The following MAPKAP1 variants were observed in gnomAD, a reference collection of about 807,000 sequenced individuals.
The protein encoded by MAPKAP1 is target of rapamycin complex 2 subunit MAPKAP1.
In MAPKAP1, 20 loss-of-function variants were observed where a neutral mutation model predicts 65.7. The ratio of observed to expected loss-of-function variants is 0.30; its 90% CI spans 0.21 to 0.44. The LOEUF is 0.44. MAPKAP1 is among the 20% of genes least tolerant of loss of function. The pLI, the probability that MAPKAP1 is intolerant of heterozygous loss-of-function variation, is 1.00. For synonymous variants in MAPKAP1, 222 were observed against 244.3 expected, an observed-to-expected ratio of 0.91 and a Z score of 0.85; for missense variants, 423 against 648.0, an observed-to-expected ratio of 0.65 and a Z score of 3.77.
At chr9:125,517,528 T>G (rs1478575507) in intron 7 of MAPKAP1, among the ~76,000 whole-genome samples, 1 of 152,178 alleles carries the variant, frequency 6.6e-6, no homozygotes, top group Non-Finnish European at 1.5e-5. Context: ...ATAGAAAACA[T>G]TTACTGGAAA....
At chr9:125,679,801 C>T (rs1339915146) in intron 1 of MAPKAP1, among the ~76,000 whole-genome samples, 1 of 152,200 alleles carries the variant, frequency 6.6e-6, no homozygotes, top group Non-Finnish European at 1.5e-5. Flanking sequence ...AATTCCCCTT[C>T]CTGGACTTTC....
intron 4 of MAPKAP1, among the ~76,000 whole-genome samples, chr9:125,593,099 C>G (rs752920422): frequency 6.6e-6 from 1 of 151,840 alleles, no homozygotes; most frequent in Non-Finnish European, 1.5e-5. Context: ...GAGTCCAGAC[C>G]AGCCTGGCCA....
chr9:125,610,966 T>G (rs1195914538), intron 4 of MAPKAP1, among the ~76,000 whole-genome samples: 1 of 152,198 alleles, frequency 6.6e-6, no homozygotes, highest in Non-Finnish European at 1.5e-5. Flanking sequence ...GTTAACAGTA[T>G]GATCAGAAGC....
intron 4 of MAPKAP1, among the ~76,000 whole-genome samples, chr9:125,593,085 T>G (rs1432872285): frequency 6.6e-6 from 1 of 151,348 alleles, no homozygotes; most frequent in Admixed American, 6.6e-5. Flanking sequence ...TCACCTGAGG[T>G]CAGGAGTCCA....
chr9:125,528,847 CAAAAAAA>C (rs61378848), intron 7 of MAPKAP1, among the ~76,000 whole-genome samples: 3 of 44,122 alleles, frequency 6.8e-5, no homozygotes, highest in Admixed American at 3.1e-4. Flanking sequence ...GACTCCGTCT[CAAAAAAA>C]AAAAAAAAAA....
intron 9 of MAPKAP1, among the ~76,000 whole-genome samples, chr9:125,475,494 A>G (rs1564523996): frequency 1.3e-5 from 2 of 152,170 alleles, no homozygotes; most frequent in African/African-American, 2.4e-5. Flanking sequence ...GCCAATTCCA[A>G]TATGTGGTCA....
chr9:125,474,227 T>A (rs1180704933), intron 9 of MAPKAP1, among the ~76,000 whole-genome samples: 1 of 152,092 alleles, frequency 6.6e-6, no homozygotes, highest in Non-Finnish European at 1.5e-5. Context: ...AGCACCAGGA[T>A]CCAGTTTGGG....
At chr9:125,698,756 C>A (rs1054756930) in intron 1 of MAPKAP1, among the ~76,000 whole-genome samples, 2 of 152,122 alleles carry the variant, frequency 1.3e-5, no homozygotes, top group African/African-American at 2.4e-5. Flanking sequence ...AGAGCAGTTA[C>A]AGGCACAAAA....
chr9:125,635,916 CTAAAT>C (rs1449841414), intron 4 of MAPKAP1, among the ~76,000 whole-genome samples: 1 of 152,164 alleles, frequency 6.6e-6, no homozygotes, highest in African/African-American at 2.4e-5. Context: ...TAAGTTTTCA[CTAAAT>C]TAAACTAAAT....
intron 2 of MAPKAP1, 87 bp from the exon 3 acceptor site, chr9:125,669,994 G>A: frequency 1.3e-6 from 1 of 770,830 alleles, no homozygotes; most frequent in Middle Eastern, 3.0e-4. Context: ...CATGAATAAA[G>A]ATGTTTTATA....
intron 6 of MAPKAP1, among the ~76,000 whole-genome samples, chr9:125,544,767 T>C (rs995379862): frequency 6.6e-6 from 1 of 152,182 alleles, no homozygotes; most frequent in Non-Finnish European, 1.5e-5. Context: ...AACTTCATAT[T>C]GACGAGAAAT....
chr9:125,583,934 G>A (rs892158593), intron 5 of MAPKAP1, among the ~76,000 whole-genome samples: 2 of 152,144 alleles, frequency 1.3e-5, no homozygotes, highest in African/African-American at 4.8e-5. Flanking sequence ...GTGGTGGTAG[G>A]TGCCTGTAGT....
intron 1 of MAPKAP1, among the ~76,000 whole-genome samples, chr9:125,693,504 T>TAC (rs1430193894): frequency 1.4e-5 from 2 of 144,280 alleles, no homozygotes; most frequent in Non-Finnish European, 1.5e-5. Context: ...CACACATATA[T>TAC]ACACATACAC....
chr9:125,548,285 G>T (rs941986410), intron 6 of MAPKAP1, among the ~76,000 whole-genome samples: 1 of 152,220 alleles, frequency 6.6e-6, no homozygotes, highest in Non-Finnish European at 1.5e-5. Flanking sequence ...TTATAGTTCT[G>T]TGTGACAGTC....
At chr9:125,450,299 C>A (rs1186991742) in intron 10 of MAPKAP1, among the ~76,000 whole-genome samples, 4 of 152,164 alleles carry the variant, frequency 2.6e-5, no homozygotes, top group African/African-American at 9.7e-5. Context: ...ATTAAAAATA[C>A]TAGAAATTTA....
At chr9:125,669,174 C>T (rs57580845) in intron 3 of MAPKAP1, among the ~76,000 whole-genome samples, 16 of 135,484 alleles carry the variant, frequency 1.2e-4, no homozygotes, top group African/African-American at 4.5e-4. Context: ...AGCAAGACTC[C>T]GTCTCAAAAA....
intron 8 of MAPKAP1, chr9:125,506,003 G>T: frequency 2.6e-6 from 1 of 388,084 alleles, no homozygotes; most frequent in Non-Finnish European, 4.8e-6. Flanking sequence ...ATACAAAATA[G>T]CCTTTACTTC....
chr9:125,558,814 T>G (rs1213989500), intron 6 of MAPKAP1, among the ~76,000 whole-genome samples: 1 of 152,252 alleles, frequency 6.6e-6, no homozygotes, highest in Non-Finnish European at 1.5e-5. Flanking sequence ...TACATTTTAA[T>G]TTTCACTAAC....
chr9:125,561,704 C>T (rs957728322), intron 5 of MAPKAP1, among the ~76,000 whole-genome samples: 1 of 152,074 alleles, frequency 6.6e-6, no homozygotes, highest in Non-Finnish European at 1.5e-5. Context: ...AGCTTCACCT[C>T]GAGTTTCAGT....
Sources: gnomAD v4.1 joint callset for allele counts (sites outside exome capture counted in the v4.1 genomes callset) on GRCh38, gnomAD v4.1.1 for gene constraint, MANE v1.5 for transcripts, NCBI Gene and HGNC (gene_info 2026-07-23, HGNC 2026-07-21) for gene names.